Variants in LRRTM4 observed in about 807,000 individuals in gnomAD.
The protein encoded by LRRTM4 is leucine-rich repeat transmembrane neuronal protein 4.
A neutral mutation model predicts 47.6 loss-of-function variants in LRRTM4; 25 were observed. The observed-to-expected ratio is 0.53, with a 90% CI of 0.38 to 0.73. LRRTM4 has a LOEUF of 0.73. Ranked by LOEUF, LRRTM4 falls within the 30% of genes least tolerant of loss-of-function variation. The pLI is 0.00. For missense variants in LRRTM4, 638 were observed against 713.4 expected (o/e 0.89, Z 1.20); for synonymous variants, 311 against 269.5 (o/e 1.15, Z -1.51).
At chr2:77,493,956 C>T (rs1489019782) in intron 3 of LRRTM4, among the ~76,000 whole-genome samples, 4 of 152,060 alleles carry the variant, frequency 2.6e-5, no homozygotes, top group African/African-American at 4.8e-5. Context: ...TATCGTACCA[C>T]GCTTTACCAT....
At chr2:77,342,508 C>T (rs1184720239) in intron 3 of LRRTM4, among the ~76,000 whole-genome samples, 2 of 151,944 alleles carry the variant, frequency 1.3e-5, no homozygotes, top group East Asian at 3.9e-4. Context: ...GGCTTAAAGT[C>T]TCCAGTTTGC....
intron 3 of LRRTM4, among the ~76,000 whole-genome samples, chr2:77,122,364 A>G (rs17334737): frequency 0.035 from 5,359 of 151,336 alleles, 128 homozygotes; most frequent in Middle Eastern, 0.1. Context: ...TTATTCTTTT[A>G]ATTATCTTAC....
intron 3 of LRRTM4, among the ~76,000 whole-genome samples, chr2:77,189,630 G>T (rs918198910): frequency 2.7e-5 from 4 of 148,020 alleles, no homozygotes; most frequent in African/African-American, 1.0e-4. Context: ...AACCATGCCG[G>T]CACCGTGATC....
chr2:77,503,461 A>G (rs954571050), intron 3 of LRRTM4, among the ~76,000 whole-genome samples: 1 of 151,714 alleles, frequency 6.6e-6, no homozygotes, highest in African/African-American at 2.4e-5. Context: ...AAATGACTTT[A>G]AGATGTCTCA....
At chr2:76,961,925 T>C (rs753371810) in intron 3 of LRRTM4, among the ~76,000 whole-genome samples, 1 of 151,364 alleles carries the variant, frequency 6.6e-6, no homozygotes, top group African/African-American at 2.4e-5. Flanking sequence ...TTGGGTGATC[T>C]TTGCAATTAT....
At chr2:77,155,187 C>T (rs1039431126) in intron 3 of LRRTM4, among the ~76,000 whole-genome samples, 1 of 151,752 alleles carries the variant, frequency 6.6e-6, no homozygotes, top group South Asian at 2.1e-4. Context: ...GAATAAAAAG[C>T]CTGCATATAA....
intron 3 of LRRTM4, among the ~76,000 whole-genome samples, chr2:77,423,896 C>A (rs542617658): frequency 3.9e-5 from 6 of 152,264 alleles, no homozygotes; most frequent in African/African-American, 1.2e-4. Flanking sequence ...GACAACCAGT[C>A]TTTGGTACAA....
intron 3 of LRRTM4, among the ~76,000 whole-genome samples, chr2:77,055,371 A>G (rs1679567962): frequency 6.6e-6 from 1 of 152,190 alleles, no homozygotes; most frequent in Admixed American, 6.6e-5. Context: ...TTAAACAGCT[A>G]ACATGAAGGA....
At chr2:77,227,038 A>G (rs1231854790) in intron 3 of LRRTM4, among the ~76,000 whole-genome samples, 1 of 152,028 alleles carries the variant, frequency 6.6e-6, no homozygotes, top group Admixed American at 6.6e-5. Flanking sequence ...ATTCCCAGCC[A>G]TATCTAGGGA....
At position 76,772,144 on chromosome 2, in the gene LRRTM4, C is replaced by T. The variant is rs143146875; in HGVS notation, c.1552-23228G>A. ...AATTAGATCATAAGAGTGGAGCTCTCATCATGGGACCAGTGCCATTATCAA... is the reference window on the plus strand; with the variant it reads ...AATTAGATCATAAGAGTGGAGCTCTTATCATGGGACCAGTGCCATTATCAA... On this transcript the variant is annotated intron_variant, in intron 3 of 3. Coordinates refer to ENST00000409884, the MANE Select transcript of LRRTM4 (RefSeq NM_001134745.3). Among the ~76,000 whole-genome samples the T allele has an allele frequency of 4.0e-3, 615 of 152,208 alleles. 10 individuals carry two copies. In the South Asian group the frequency reaches 0.05, roughly 12 times the overall value.
intron 3 of LRRTM4, among the ~76,000 whole-genome samples, chr2:77,466,702 CTTTTT>C (rs34276275): frequency 1.0e-3 from 134 of 131,342 alleles, no homozygotes; most frequent in East Asian, 6.3e-3. Context: ...ACTATGGCAA[CTTTTT>C]TTTTTTTTTT....
chr2:76,958,885 C>A (rs762834479), intron 3 of LRRTM4, among the ~76,000 whole-genome samples: 1 of 151,648 alleles, frequency 6.6e-6, no homozygotes, highest in Non-Finnish European at 1.5e-5. Flanking sequence ...CACCACCACC[C>A]AAGTATCTTG....
intron 3 of LRRTM4, among the ~76,000 whole-genome samples, chr2:77,139,973 G>C (rs1020255750): frequency 6.6e-6 from 1 of 152,114 alleles, no homozygotes; most frequent in East Asian, 1.9e-4. Flanking sequence ...TGAAATAAAA[G>C]AGGACCCCAA....
chr2:77,348,351 T>A (rs578121288), intron 3 of LRRTM4, among the ~76,000 whole-genome samples: 1 of 151,692 alleles, frequency 6.6e-6, no homozygotes. Context: ...ATTTTCTTTT[T>A]AATTTTATTT....
intron 3 of LRRTM4, among the ~76,000 whole-genome samples, chr2:77,182,841 C>A (rs1673388516): frequency 6.6e-6 from 1 of 152,068 alleles, no homozygotes; most frequent in Non-Finnish European, 1.5e-5. Flanking sequence ...GGAAAGGATT[C>A]CCTATTTAAT....
At chr2:76,898,537 G>A (rs995634460) in intron 3 of LRRTM4, among the ~76,000 whole-genome samples, 1 of 99,976 alleles carries the variant, frequency 1.0e-5, no homozygotes, top group Non-Finnish European at 1.9e-5. Flanking sequence ...AGGGTAACAA[G>A]AGCAAAGCTC....
At chr2:77,193,750 C>T (rs149641314) in intron 3 of LRRTM4, among the ~76,000 whole-genome samples, 45 of 152,174 alleles carry the variant, frequency 3.0e-4, no homozygotes, top group Admixed American at 2.9e-3. Context: ...GCACTCCGGC[C>T]TGGGCAATAA....
intron 3 of LRRTM4, among the ~76,000 whole-genome samples, chr2:76,800,176 G>T (rs545420975): frequency 4.7e-5 from 7 of 147,954 alleles, no homozygotes; most frequent in East Asian, 2.0e-4. Flanking sequence ...CAAAGCTGGA[G>T]GCATCACACT....
chr2:77,183,839 A>T (rs1673422763), intron 3 of LRRTM4, among the ~76,000 whole-genome samples: 1 of 152,140 alleles, frequency 6.6e-6, no homozygotes, highest in African/African-American at 2.4e-5. Context: ...AGGACAAAAA[A>T]CCAAACACCA....
Sources: gnomAD v4.1 joint callset for allele counts (sites outside exome capture counted in the v4.1 genomes callset) on GRCh38, gnomAD v4.1.1 for gene constraint, MANE v1.5 for transcripts, NCBI Gene and HGNC (gene_info 2026-07-23, HGNC 2026-07-21) for gene names.